The following TRA2B variants were observed in gnomAD, a reference collection of about 807,000 sequenced individuals.
TRA2B encodes transformer-2 protein homolog beta.
In TRA2B, 14 loss-of-function variants were observed where a neutral mutation model predicts 41.7. The ratio of observed to expected loss-of-function variants is 0.34; its 90% CI spans 0.22 to 0.53. The LOEUF (loss-of-function observed/expected upper bound fraction) is 0.53. TRA2B is among the 20% of genes least tolerant of loss of function. TRA2B has a pLI of 0.95. For missense variants in TRA2B, 167 were observed against 396.8 expected (o/e 0.42, Z 4.92); for synonymous variants, 130 against 128.8 (o/e 1.01, Z -0.06).
At chr3:185,926,997 A>C (rs1743977090) in intron 1 of TRA2B, 2 of 378,168 alleles carry the variant, frequency 5.3e-6, no homozygotes. Flanking sequence ...GGGGTGCCAA[A>C]GTCAAGCAGT....
At chr3:185,935,350 G>GA in intron 1 of TRA2B, 1 of 984,792 alleles carries the variant, frequency 1.0e-6, no homozygotes, top group Middle Eastern at 5.2e-4. Context: ...TGAGAGGGGG[G>GA]AAAAAATAAA....
intron 7 of TRA2B, among the ~76,000 whole-genome samples, 192 bp downstream of exon 7, chr3:185,919,245 A>G (rs1462217274): frequency 6.6e-6 from 1 of 152,220 alleles, no homozygotes; most frequent in Non-Finnish European, 1.5e-5. Context: ...TAAATAATCT[A>G]TTGCAAAACC....
chr3:185,923,690 C>A (rs1743828985), intron 4 of TRA2B, 106 bp downstream of exon 4: 1 of 1,070,324 alleles, frequency 9.3e-7, no homozygotes, highest in South Asian at 2.2e-5. Context: ...AGAAAAAGTT[C>A]GAAGTATTAC....
chr3:185,936,184 T>C (rs1038044982), intron 1 of TRA2B: 1 of 985,384 alleles, frequency 1.0e-6, no homozygotes. Flanking sequence ...AGTAGAAAGG[T>C]ACCCAATAAT....
intron 2 of TRA2B, among the ~76,000 whole-genome samples, chr3:185,926,275 C>T (rs1743949218): frequency 6.6e-6 from 1 of 151,770 alleles, no homozygotes; most frequent in South Asian, 2.1e-4. Flanking sequence ...AGTATATTTG[C>T]CATACTAGTA....
intron 7 of TRA2B, among the ~76,000 whole-genome samples, 165 bp from the exon 8 acceptor site, chr3:185,918,603 G>T (rs57681380): frequency 6.6e-6 from 1 of 152,154 alleles, no homozygotes; most frequent in Non-Finnish European, 1.5e-5. Context: ...ACATTATCAG[G>T]CCCAAGTGTC....
At chr3:185,934,540 G>T (rs1173401787) in intron 1 of TRA2B, 1 of 985,084 alleles carries the variant, frequency 1.0e-6, no homozygotes, top group Non-Finnish European at 1.2e-6. Flanking sequence ...ATTTCAACCG[G>T]GTTTCAAGAG....
chr3:185,931,420 C>G (rs1744151973), intron 1 of TRA2B: 5 of 412,694 alleles, frequency 1.2e-5, no homozygotes, highest in Non-Finnish European at 1.6e-5. Flanking sequence ...AATTGCATTT[C>G]AATCATTTAA....
At chr3:185,934,328 A>G in intron 1 of TRA2B, 15 of 985,340 alleles carry the variant, frequency 1.5e-5, no homozygotes, top group South Asian at 1.4e-4. Flanking sequence ...ATTTTATTGT[A>G]GAGAAAGGAG....
At chr3:185,926,808 T>TA (rs1460019586) in intron 1 of TRA2B, 74 bp from the exon 2 acceptor site, 2 of 1,559,184 alleles carry the variant, frequency 1.3e-6, no homozygotes, top group Non-Finnish European at 1.7e-6. Flanking sequence ...TGCTGTGAGA[T>TA]AAATGGTGAG....
At chr3:185,925,349 C>T in intron 3 of TRA2B, 115 bp downstream of exon 3, 1 of 1,239,294 alleles carries the variant, frequency 8.1e-7, no homozygotes, top group South Asian at 1.6e-5. Context: ...AAAAAAGCCT[C>T]TGAAGATTTC....
intron 4 of TRA2B, chr3:185,922,525 A>C: frequency 6.5e-6 from 1 of 154,128 alleles, no homozygotes; most frequent in Non-Finnish European, 1.4e-5. Flanking sequence ...CCAAATTCCA[A>C]TGCCCCAAAA....
chr3:185,936,337 T>C (rs1417453755), intron 1 of TRA2B: 1 of 985,218 alleles, frequency 1.0e-6, no homozygotes, highest in Non-Finnish European at 1.2e-6. Flanking sequence ...CCAACTTTCT[T>C]ACCCAAGAAA....
intron 2 of TRA2B, 68 bp downstream of exon 2, chr3:185,926,533 G>C: frequency 2.5e-6 from 4 of 1,590,986 alleles, no homozygotes; most frequent in Non-Finnish European, 3.4e-6. Context: ...CTACCTTCCT[G>C]GTTTACAAAA....
intron 1 of TRA2B, chr3:185,937,372 A>G (rs917933166): frequency 1.0e-6 from 1 of 999,200 alleles, no homozygotes; most frequent in Non-Finnish European, 1.2e-6. Flanking sequence ...ACGCGGCCTT[A>G]CGAAGCGCGG....
chr3:185,934,603 A>C, intron 1 of TRA2B: 1 of 985,444 alleles, frequency 1.0e-6, no homozygotes, highest in Non-Finnish European at 1.2e-6. Flanking sequence ...CCTATTTGAC[A>C]ATTCAATCCT....
rs955757077 is a variant in TRA2B, at chr3:185,936,867, A to G, written c.36+958T>C. ...GCTACGTATGCTGTTTAAACCCTAG[A>G]ACTGTCTTGTTCCCGCAATTCAATC... On this transcript the variant is annotated intron_variant, in intron 1 of 8. Coordinates refer to ENST00000453386, the MANE Select transcript of TRA2B (RefSeq NM_004593.3). 6 of 985,356 alleles carry G rather than the reference A, an allele frequency of 6.1e-6. No homozygotes were observed. In the South Asian group the frequency reaches 2.8e-4, roughly 46 times the overall value. 61.0% of individuals were successfully genotyped at this position (985,356 alleles called of 1,614,324 possible). A position where few individuals can be genotyped will look rare whatever the true frequency, so the allele number is the denominator to read the frequency against.
intron 6 of TRA2B, 26 bp from the exon 7 acceptor site, chr3:185,919,522 C>G (rs1421632735): frequency 6.3e-7 from 1 of 1,595,094 alleles, no homozygotes. Context: ...GGCAACACAA[C>G]ACGCATTCAG....
chr3:185,937,570 T>C (rs1034507066), intron 1 of TRA2B: 1 of 942,738 alleles, frequency 1.1e-6, no homozygotes, highest in Non-Finnish European at 1.4e-6. Context: ...TTCCCCCTCT[T>C]ATAACGGGAA....
Sources: allele counts gnomAD v4.1 joint callset (sites outside exome capture counted in the v4.1 genomes callset), GRCh38; gene constraint gnomAD v4.1.1; transcripts MANE v1.5; gene names NCBI Gene and HGNC (gene_info 2026-07-23, HGNC 2026-07-21).